The following DZIP1L variants were observed in gnomAD, a reference collection of about 807,000 sequenced individuals.
DZIP1L encodes cilium assembly protein DZIP1L.
DZIP1L carries 90 observed loss-of-function variants against 88.7 expected under a neutral mutation model. The ratio of observed to expected loss-of-function variants is 1.02; its 90% CI spans 0.86 to 1.21. The LOEUF is 1.21. DZIP1L is among the 50% of genes most tolerant of loss of function. The probability of loss-of-function intolerance (pLI) is 0.00; values close to 1 mark genes in which losing one functional copy is unlikely to be tolerated. For synonymous variants in DZIP1L, 363 were observed against 372.1 expected, an observed-to-expected ratio of 0.98 and a Z score of 0.28; for missense variants, 932 against 955.8, an observed-to-expected ratio of 0.98 and a Z score of 0.33.
Position 138,103,535 on chromosome 3 carries a change from C to T in DZIP1L, c.437G>A (p.Arg146His), listed in dbSNP as rs140445822. The T allele has an allele frequency of 7.7e-5, 124 of 1,610,902 alleles. No homozygotes were observed. In the African/African-American group the frequency reaches 1.4e-3, roughly 18 times the overall value. The change falls in exon 2 of 16, where the codon CGT becomes CAT. Residue 146 changes from arginine (R) to histidine (H), a missense_variant. Physicochemically the swap from Arg to His is conservative, Grantham distance 29 (BLOSUM62 0). Coordinates refer to ENST00000327532, the MANE Select transcript of DZIP1L (RefSeq NM_173543.3). ...LKGVREESRR[R>H]RKMISTLQQL... is the part of the protein sequence containing the mutation. ...CTGCAGGGTGCTGATCATCTTGCGACGCCGGCGGCTCTCCTCCCGCACACC... is the reference window on the plus strand; with the variant it reads ...CTGCAGGGTGCTGATCATCTTGCGATGCCGGCGGCTCTCCTCCCGCACACC...
Position 138,103,520 on chromosome 3 carries a change from C to T in DZIP1L, c.452G>A (p.Ser151Asn). Residue 151 changes from serine (S) to asparagine (N), a missense_variant, in exon 2 of 16, where the codon AGC becomes AAC. Physicochemically the swap from Ser to Asn is conservative, Grantham distance 46 (BLOSUM62 1). Coordinates refer to ENST00000327532, the MANE Select transcript of DZIP1L (RefSeq NM_173543.3). ...CTGCATTAGCAGCTGCTGCAGGGTGCTGATCATCTTGCGACGCCGGCGGCT... is the reference window on the plus strand; with the variant it reads ...CTGCATTAGCAGCTGCTGCAGGGTGTTGATCATCTTGCGACGCCGGCGGCT... ...EESRRRRKMI[S>N]TLQQLLMQTG... The T allele has an allele frequency of 6.2e-7, 1 of 1,611,838 alleles. No individual in the cohort carries two copies. The highest frequency in any genetic ancestry group is 8.5e-7 in the Non-Finnish European group (1 of 1,179,768).
intron 14 of DZIP1L, among the ~76,000 whole-genome samples, chr3:138,066,732 CAGA>C (rs1453433670): frequency 1.3e-4 from 20 of 152,020 alleles, no homozygotes; most frequent in Admixed American, 8.5e-4. Flanking sequence ...CGAGCTTCCA[CAGA>C]AGAAGGAACT....
chr3:138,077,262 G>A (rs1193478164), intron 11 of DZIP1L, among the ~76,000 whole-genome samples: 1 of 152,208 alleles, frequency 6.6e-6, no homozygotes, highest in East Asian at 1.9e-4. Context: ...CAGGACTCAG[G>A]GTAGTATCGC....
Position 138,094,923 on chromosome 3 carries a change from A to G in DZIP1L, c.647T>C (p.Leu216Pro), listed in dbSNP as rs776212758. Residue 216 changes from leucine (L) to proline (P), a missense_variant, in exon 4 of 16, where the codon CTA (leucine) becomes CCA (proline). By Grantham distance (98) the Leu-to-Pro change is moderately conservative (BLOSUM62 -3). Transcript: ENST00000327532. Reference sequence around the variant, plus strand: ...TTCCAGCTCCCCTTGGGTCCACTTTAGCTTGGCCCGTAGCTCTTCTAACAC... The same window carrying G: ...TTCCAGCTCCCCTTGGGTCCACTTTGGCTTGGCCCGTAGCTCTTCTAACAC... ...EEVLEELRAK[L>P]KWTQGELEAQ... 6.2e-7 allele frequency: 1 copy of G among 1,614,152 alleles called. No homozygotes were observed. The highest frequency in any genetic ancestry group is 8.5e-7 in the Non-Finnish European group (1 of 1,180,020).
At chr3:138,082,611 T>C (rs1943715520) in intron 8 of DZIP1L, among the ~76,000 whole-genome samples, 1 of 152,214 alleles carries the variant, frequency 6.6e-6, no homozygotes, top group South Asian at 2.1e-4. Flanking sequence ...AGATGCTCCA[T>C]CTACCCTTAT....
At chr3:138,094,048 A>G (rs1462634572) in intron 4 of DZIP1L, among the ~76,000 whole-genome samples, 1 of 152,242 alleles carries the variant, frequency 6.6e-6, no homozygotes, top group Non-Finnish European at 1.5e-5. Flanking sequence ...CTTCATCACT[A>G]AACTTAATCA....
intron 1 of DZIP1L, among the ~76,000 whole-genome samples, chr3:138,106,231 C>T (rs138028137): frequency 0.1 from 15,148 of 148,182 alleles, 1,557 homozygotes; most frequent in African/African-American, 0.26. Context: ...CTCCACCTCC[C>T]GGGTTCATGC....
At chr3:138,102,901 G>T (rs781691583) in intron 2 of DZIP1L, 114 of 607,544 alleles carry the variant, frequency 1.9e-4, no homozygotes, top group Non-Finnish European at 3.0e-4. Flanking sequence ...GGACTTCTGG[G>T]TCACCCTGAT....
chr3:138,114,771 G>A (rs1420431926), intron 1 of DZIP1L, among the ~76,000 whole-genome samples: 1 of 152,108 alleles, frequency 6.6e-6, no homozygotes, highest in African/African-American at 2.4e-5. Flanking sequence ...CCTGATCCCT[G>A]TCCTGCACTG....
At chr3:138,113,163 T>C (rs893180153) in intron 1 of DZIP1L, among the ~76,000 whole-genome samples, 5 of 152,152 alleles carry the variant, frequency 3.3e-5, no homozygotes, top group African/African-American at 9.7e-5. Flanking sequence ...ATCTAGAATA[T>C]AGAAAACCCA....
intron 12 of DZIP1L, among the ~76,000 whole-genome samples, chr3:138,070,359 A>C (rs998533937): frequency 6.6e-6 from 1 of 152,262 alleles, no homozygotes; most frequent in African/African-American, 2.4e-5. Flanking sequence ...ATTGGCAACC[A>C]GGACAAATAC....
chr3:138,085,114 A>G (rs985086954), intron 7 of DZIP1L, among the ~76,000 whole-genome samples: 1 of 152,220 alleles, frequency 6.6e-6, no homozygotes, highest in African/African-American at 2.4e-5. Context: ...TTCAAGATGG[A>G]TTAAAGTCTT....
At chr3:138,108,489 T>C (rs2042557192) in intron 1 of DZIP1L, among the ~76,000 whole-genome samples, 1 of 152,158 alleles carries the variant, frequency 6.6e-6, no homozygotes, top group South Asian at 2.1e-4. Context: ...ATGCTCTTCC[T>C]TAAACAGTGG....
chr3:138,104,025 G>A lies in DZIP1L; in HGVS notation c.-54C>T. ...AGAGGAGGGGGGCACCAAGGCCACG[G>A]CAGTAGGCCAAGGAGCTGAGAGAAG... is the stretch of plus-strand genomic sequence containing the variant. On this transcript the variant is annotated 5_prime_UTR_variant, in exon 2 of 16. Transcript: ENST00000327532. 6.4e-7 allele frequency: 1 copy of A among 1,556,108 alleles called. No homozygotes were observed. The highest frequency in any genetic ancestry group is 1.2e-5 in the South Asian group (1 of 81,858).
intron 11 of DZIP1L, among the ~76,000 whole-genome samples, chr3:138,076,075 G>A (rs1943394349): frequency 6.6e-6 from 1 of 152,182 alleles, no homozygotes; most frequent in Admixed American, 6.5e-5. Flanking sequence ...GCTGAGGAGT[G>A]GGCCCAGAAG....
chr3:138,090,798 A>G (rs2622720), intron 5 of DZIP1L, among the ~76,000 whole-genome samples: 93,486 of 152,008 alleles, frequency 0.62, 29,903 homozygotes, highest in Non-Finnish European at 0.7. Context: ...AGGAGGACCA[A>G]TGAGAGATAA....
chr3:138,111,304 C>T (rs765545102), intron 1 of DZIP1L, among the ~76,000 whole-genome samples: 5 of 152,132 alleles, frequency 3.3e-5, no homozygotes, highest in Non-Finnish European at 5.9e-5. Flanking sequence ...ATCCTTCATT[C>T]GGACTCATTG....
intron 5 of DZIP1L, among the ~76,000 whole-genome samples, chr3:138,090,063 C>A (rs976780947): frequency 3.3e-5 from 5 of 151,864 alleles, no homozygotes; most frequent in African/African-American, 1.2e-4. Flanking sequence ...TCACTTGAGC[C>A]TGGGAGGTCA....
chr3:138,081,605 C>T (rs2107774072), intron 9 of DZIP1L, 129 bp downstream of exon 9: 1 of 905,092 alleles, frequency 1.1e-6, no homozygotes, highest in South Asian at 1.8e-5. Flanking sequence ...AGAAGCCTGA[C>T]ACTACATGTC....
Sources: gnomAD v4.1 joint callset for allele counts (sites outside exome capture counted in the v4.1 genomes callset) on GRCh38, gnomAD v4.1.1 for gene constraint, MANE v1.5 for transcripts, NCBI Gene and HGNC (gene_info 2026-07-23, HGNC 2026-07-21) for gene names.